Variants in HDGFL2 observed in about 807,000 individuals in gnomAD.
The protein encoded by HDGFL2 is HDGF like 2, also known as hepatoma-derived growth factor-related protein 2.
HDGFL2 carries 36 observed loss-of-function variants against 77.1 expected under a neutral mutation model. The observed-to-expected ratio is 0.47, with a 90% CI of 0.36 to 0.62. The LOEUF (loss-of-function observed/expected upper bound fraction) is 0.62, where lower values mean the gene tolerates loss of function less well. HDGFL2 is among the 20% of genes least tolerant of loss of function. HDGFL2 has a pLI of 0.00. For missense variants in HDGFL2, 976 were observed against 973.4 expected (o/e 1.00, Z -0.04); for synonymous variants, 463 against 413.1 (o/e 1.12, Z -1.46).
In HDGFL2 at chr19:4,494,417, G is replaced by C; in HGVS notation, c.1166G>C (p.Arg389Pro). Residue 389 changes from arginine to proline, a missense_variant, in exon 9 of 16, where the codon CGG becomes CCG. Arg to Pro is a moderately radical substitution (Grantham distance 103). Around this residue, in one of 5 missense-constraint regions of HDGFL2, gnomAD observed 567 missense variants for 534.7 expected, o/e 1.06. Coordinates refer to ENST00000616600, the MANE Select transcript of HDGFL2 (RefSeq NM_001001520.3). ...EPVKKRGRKG[R>P]GRGPPSSSDS... ...GTCAAGAAGCGGGGACGCAAGGGCC[G>C]GGGCCGGGGTCCCCCGTCCTCCTCT... 1 of 1,407,484 alleles carries C rather than the reference G, an allele frequency of 7.1e-7. No individual in the cohort carries two copies. Among genetic ancestry groups the C allele is most frequent in the South Asian group, 1.6e-5 (1 of 62,482 alleles). 87.2% of individuals were successfully genotyped at this position (1,407,484 alleles called of 1,614,324 possible).
At chr19:4,493,351 G>A (rs922543678) in intron 6 of HDGFL2, among the ~76,000 whole-genome samples, 1 of 150,578 alleles carries the variant, frequency 6.6e-6, no homozygotes, top group African/African-American at 2.5e-5. Context: ...AGGGTACTCG[G>A]GTGGAGGCGG....
chr19:4,474,743 G>A (rs1490163923), intron 1 of HDGFL2: 3 of 154,522 alleles, frequency 1.9e-5, no homozygotes, highest in Non-Finnish European at 4.3e-5. Context: ...CCAAGCACCT[G>A]ATTGGAAGTG....
chr19:4,479,215 A>G (rs1317914516), intron 3 of HDGFL2, among the ~76,000 whole-genome samples: 7 of 151,416 alleles, frequency 4.6e-5, no homozygotes, highest in Non-Finnish European at 8.8e-5. Context: ...ACTTTGGGAG[A>G]CTGAGGAGGG....
chr19:4,491,883 C>G, intron 6 of HDGFL2, 48 bp downstream of exon 6: 1 of 1,526,272 alleles, frequency 6.6e-7, no homozygotes, highest in Non-Finnish European at 9.1e-7. Flanking sequence ...TGGGGCACCT[C>G]TGCGGTCTCC....
At position 4,499,497 on chromosome 19, in the gene HDGFL2, C is replaced by T. The variant is rs764296647; in HGVS notation, c.1582C>T (p.Arg528Cys). Residue 528 changes from arginine (R) to cysteine (C), a missense_variant, in exon 14 of 16, where the codon CGT (arginine) becomes TGT (cysteine). Arg to Cys is a radical substitution (Grantham distance 180). Transcript: ENST00000616600. ...CTCTTCTCTTGGTGGCCAGATTCGC[C>T]GTTACAAAGCGAACAAGGACGTAAT... ...DVVATLKKIRRYKANKDVMEK... is the reference protein window; with the variant it reads ...DVVATLKKIRCYKANKDVMEK... The T allele has an allele frequency of 4.3e-6, 7 of 1,612,952 alleles. No homozygotes were observed. The highest frequency in any genetic ancestry group is 5.1e-6 in the Non-Finnish European group (6 of 1,179,580).
At chr19:4,496,258 C>A in intron 9 of HDGFL2, 44 bp from the exon 10 acceptor site, 3 of 1,514,994 alleles carry the variant, frequency 2.0e-6, no homozygotes, top group South Asian at 1.1e-5. Flanking sequence ...TCTGGGTAAT[C>A]CCCTCTTCCC....
Position 4,502,058 on chromosome 19 carries a change from C to T in HDGFL2, c.*48C>T. On this transcript the variant is annotated 3_prime_UTR_variant, in exon 16 of 16. Coordinates refer to ENST00000616600, the MANE Select transcript of HDGFL2 (RefSeq NM_001001520.3). The stretch of plus-strand genomic sequence containing the variant: ...CCCCGCCCGAGCTCAGGCTGCCCCT[C>T]TCCTTCCCCGGCTCGCAGGAGAGCA... 1 of 1,327,294 alleles carries T rather than the reference C, an allele frequency of 7.5e-7. No homozygotes were observed. The highest frequency in any genetic ancestry group is 1.0e-6 in the Non-Finnish European group (1 of 956,016). The allele number at this position is 1,327,294 out of a possible 1,614,324, so 82.2% of individuals were successfully genotyped here.
chr19:4,489,990 G>C (rs1244693877), intron 4 of HDGFL2, among the ~76,000 whole-genome samples: 1 of 152,194 alleles, frequency 6.6e-6, no homozygotes, highest in Non-Finnish European at 1.5e-5. Context: ...ATAGAAATGG[G>C]GTCACACACT....
chr19:4,495,339 G>T (rs1179627874), intron 9 of HDGFL2, among the ~76,000 whole-genome samples: 1 of 133,570 alleles, frequency 7.5e-6, no homozygotes, highest in Non-Finnish European at 1.5e-5. Context: ...AGCGAGCCAA[G>T]ATTGTGCCAC....
intron 4 of HDGFL2, among the ~76,000 whole-genome samples, chr19:4,490,056 C>T (rs368978271): frequency 2.0e-5 from 3 of 152,138 alleles, no homozygotes; most frequent in Admixed American, 6.5e-5. Flanking sequence ...AGGGTGCATC[C>T]GCACTGCAGC....
At chr19:4,490,395 CT>C (rs1975476457) in intron 4 of HDGFL2, among the ~76,000 whole-genome samples, 1 of 152,184 alleles carries the variant, frequency 6.6e-6, no homozygotes, top group Non-Finnish European at 1.5e-5. Flanking sequence ...GCCTCCCTTC[CT>C]TTTCCTGGCC....
rs1975431885 is a variant in HDGFL2, at chr19:4,488,844, A to T, written c.457A>T (p.Ser153Cys). 1.3e-6 allele frequency: 2 copies of T among 1,551,384 alleles called. No homozygotes were observed. The highest frequency in any genetic ancestry group is 1.4e-5 in the African/African-American group (1 of 72,980). Residue 153 changes from serine to cysteine, a missense_variant, in exon 4 of 16, where the codon AGT becomes TGT. Physicochemically the swap from Ser to Cys is moderately radical, Grantham distance 112. Around this residue, in one of 5 missense-constraint regions of HDGFL2, gnomAD observed 567 missense variants for 534.7 expected, o/e 1.06. Transcript: ENST00000616600. The stretch of plus-strand genomic sequence containing the variant: ...AGACTCAGACAAGAGTAGCGACAAC[A>T]GTGGCCTGAAGAGGAAGACGCCTGC... ...DSDSDKSSDN[S>C]GLKRKTPALK...
chr19:4,488,705 C>T lies in HDGFL2; in HGVS notation c.318C>T (p.Pro106=), dbSNP rs558010900. The change falls in exon 4 of 16, where the codon CCC becomes CCT. Residue 106 remains proline (P), a synonymous_variant. Transcript: ENST00000616600. ...TGAGCTCCTCCGACAGCGAGGCCCC[C>T]GAGGCCAACCCCGCCGACGGCAGTG... The part of the protein sequence containing the change: ...PPVSSSDSEA[P]EANPADGSDA... 56 of 1,550,064 alleles carry T rather than the reference C, an allele frequency of 3.6e-5. No individual in the cohort carries two copies. The highest frequency in any genetic ancestry group is 1.9e-4 in the South Asian group (16 of 84,236).
At chr19:4,484,523 G>C (rs1193948656) in intron 3 of HDGFL2, among the ~76,000 whole-genome samples, 1 of 150,534 alleles carries the variant, frequency 6.6e-6, no homozygotes, top group Non-Finnish European at 1.5e-5. Flanking sequence ...TTTTGAGACA[G>C]AGTCTTCGCT....
rs373693199 is a variant in HDGFL2 at position 4,494,004 on chromosome 19, G to C, written c.861G>C (p.Pro287=). The C allele has an allele frequency of 1.9e-6, 3 of 1,611,324 alleles. No individual in the cohort carries two copies. In the African/African-American group the frequency reaches 4.0e-5, roughly 22 times the overall value. ...RKPAEKPLPK[P]RGRKPKPERP... Reference sequence around the variant, plus strand: ...TAGCGGAGAAGCCTCTCCCGAAGCCGCGAGGGCGGAAACCGAAGCCTGAAC... The same window carrying C: ...TAGCGGAGAAGCCTCTCCCGAAGCCCCGAGGGCGGAAACCGAAGCCTGAAC... The change falls in exon 8 of 16, where the codon CCG becomes CCC. Residue 287 remains proline, a synonymous_variant. Coordinates refer to ENST00000616600, the MANE Select transcript of HDGFL2 (RefSeq NM_001001520.3).
intron 3 of HDGFL2, among the ~76,000 whole-genome samples, chr19:4,483,158 C>T (rs1975264441): frequency 6.6e-6 from 1 of 152,202 alleles, no homozygotes; most frequent in African/African-American, 2.4e-5. Flanking sequence ...TTAATCTTGT[C>T]AAAAATTACA....
intron 3 of HDGFL2, among the ~76,000 whole-genome samples, chr19:4,483,439 C>G (rs1342696858): frequency 2.0e-5 from 3 of 152,186 alleles, no homozygotes; most frequent in Non-Finnish European, 4.4e-5. Flanking sequence ...TCCTCCTGGC[C>G]CCCCCTCTTG....
At chr19:4,474,679 T>C (rs1975025881) in intron 1 of HDGFL2, among the ~76,000 whole-genome samples, 1 of 152,024 alleles carries the variant, frequency 6.6e-6, no homozygotes, top group African/African-American at 2.4e-5. Flanking sequence ...GAGCACTCGC[T>C]TTTCTCTCCC....
Position 4,494,299 on chromosome 19 carries a change from A to G in HDGFL2, c.1048A>G (p.Lys350Glu). ...RRLREQEKEE[K>E]ERRRERADRG... ...CCTGCGGGAGCAGGAGAAGGAGGAG[A>G]AGGAGCGGAGGCGCGAGCGGGCCGA... Residue 350 changes from lysine to glutamate, a missense_variant, in exon 9 of 16, where the codon AAG becomes GAG. Physicochemically the swap from Lys to Glu is moderately conservative, Grantham distance 56. This residue lies in a region of HDGFL2 where 567 missense variants were observed against 534.7 expected (regional missense o/e 1.06). Transcript: ENST00000616600. 6.9e-7 allele frequency: 1 copy of G among 1,442,252 alleles called. No individual in the cohort carries two copies. Among genetic ancestry groups the G allele is most frequent in the Non-Finnish European group, 9.1e-7 (1 of 1,101,242 alleles). The allele number at this position is 1,442,252 out of a possible 1,614,324, so 89.3% of individuals were successfully genotyped here. A position where few individuals can be genotyped will look rare whatever the true frequency, so the allele number is the denominator to read the frequency against.
Sources: gnomAD v4.1 joint callset for allele counts (sites outside exome capture counted in the v4.1 genomes callset) on GRCh38, gnomAD v4.1.1 for gene constraint, gnomAD v4.1.1 regional missense constraint, MANE v1.5 for transcripts, NCBI Gene and HGNC (gene_info 2026-07-23, HGNC 2026-07-21) for gene names.